NEIL3: variants seen among roughly 807,000 people sequenced by gnomAD.
NEIL3 encodes nei like DNA glycosylase 3.
Under a neutral mutation model 57.5 loss-of-function variants are expected in NEIL3, and 48 were observed. The ratio of observed to expected loss-of-function variants is 0.83; its 90% CI spans 0.66 to 1.06. NEIL3 has a LOEUF of 1.06. NEIL3 is among the 50% of genes least tolerant of loss of function. The pLI is 0.00. For missense variants in NEIL3, 717 were observed against 739.1 expected, an observed-to-expected ratio of 0.97 and a Z score of 0.35; for synonymous variants, 261 against 253.2, an observed-to-expected ratio of 1.03 and a Z score of -0.29.
chr4:177,320,990 T>C (rs1185131825), intron 1 of NEIL3, among the ~76,000 whole-genome samples: 1 of 151,808 alleles, frequency 6.6e-6, no homozygotes, highest in Non-Finnish European at 1.5e-5. Flanking sequence ...CTCCCTGTTA[T>C]CTCTCTTTGA....
rs112784324 is a variant in NEIL3, at chr4:177,328,463, A to G, written c.278+5883A>G. 8.8e-3 allele frequency among the ~76,000 whole-genome samples: 1,334 copies of G among 152,326 alleles called. 18 individuals carry two copies. The highest frequency in any genetic ancestry group is 0.03 in the African/African-American group (1,266 of 41,594). The stretch of plus-strand genomic sequence containing the variant: ...GGAAGCAGAGAAAAAGAAACATTGC[A>G]TATTAATACAAAGGAACAAAGCTAA... On this transcript the variant is annotated intron_variant, in intron 2 of 9. Coordinates refer to ENST00000264596, the MANE Select transcript of NEIL3 (RefSeq NM_018248.3).
chr4:177,358,736 A>G (rs917510866), intron 8 of NEIL3, among the ~76,000 whole-genome samples: 1 of 152,176 alleles, frequency 6.6e-6, no homozygotes, highest in African/African-American at 2.4e-5. Flanking sequence ...CCTTCTCCCC[A>G]GAAAAATTTT....
At chr4:177,330,892 TC>T (rs1734872232) in intron 2 of NEIL3, among the ~76,000 whole-genome samples, 1 of 152,216 alleles carries the variant, frequency 6.6e-6, no homozygotes, top group African/African-American at 2.4e-5. Context: ...TTTCCAGTGC[TC>T]ACTTGCCACA....
Position 177,322,570 on chromosome 4 carries a change from AAAGCTTTACGGT to A in NEIL3, c.272_278+5del. The A allele has an allele frequency of 6.2e-7, 1 of 1,613,894 alleles. No individual in the cohort carries two copies. Among genetic ancestry groups the A allele is most frequent in the Non-Finnish European group, 8.5e-7 (1 of 1,179,804 alleles). On this transcript the variant is annotated splice_donor_variant and coding_sequence_variant, in exon 2 of 10. Coordinates refer to ENST00000264596, the MANE Select transcript of NEIL3 (RefSeq NM_018248.3). LOFTEE classifies it high-confidence loss of function. The stretch of plus-strand genomic sequence containing the variant: ...GGAGCTCTTTATGTACTTTGGACCA[AAAGCTTTACGGT>A]AAGATAAGCCTGTACGATACATCTT...
At chr4:177,347,792 C>T (rs1374551967) in intron 6 of NEIL3, among the ~76,000 whole-genome samples, 13 of 152,046 alleles carry the variant, frequency 8.6e-5, no homozygotes, top group Non-Finnish European at 1.6e-4. Context: ...ATGACTACAA[C>T]GTTAGGTCCT....
At chr4:177,352,837 A>G (rs1733611238) in intron 7 of NEIL3, among the ~76,000 whole-genome samples, 2 of 136,538 alleles carry the variant, frequency 1.5e-5, no homozygotes, top group Non-Finnish European at 3.5e-5. Context: ...TTCAAAAAAA[A>G]AAAAAGAAGA....
intron 4 of NEIL3, 117 bp from the exon 5 acceptor site, chr4:177,339,666 G>A: frequency 1.4e-6 from 1 of 698,378 alleles, no homozygotes; most frequent in Non-Finnish European, 2.4e-6. Flanking sequence ...TTGTTCAAAG[G>A]TCAGCTGTAT....
At chr4:177,323,211 A>G (rs1424682252) in intron 2 of NEIL3, among the ~76,000 whole-genome samples, 5 of 152,184 alleles carry the variant, frequency 3.3e-5, no homozygotes, top group Admixed American at 1.3e-4. Flanking sequence ...TTGCAGGAAA[A>G]TGAAAGCGGC....
intron 1 of NEIL3, among the ~76,000 whole-genome samples, chr4:177,313,580 G>A (rs1028508224): frequency 6.6e-6 from 1 of 152,218 alleles, no homozygotes; most frequent in African/African-American, 2.4e-5. Flanking sequence ...GCTTTGAAGA[G>A]TCAATCCTTT....
intron 6 of NEIL3, among the ~76,000 whole-genome samples, chr4:177,348,941 C>G (rs1016013473): frequency 3.8e-5 from 5 of 131,862 alleles, no homozygotes; most frequent in African/African-American, 1.4e-4. Context: ...GATCTGGGCT[C>G]ACTTCAAGCT....
chr4:177,344,943 A>G (rs1040422685), intron 6 of NEIL3, among the ~76,000 whole-genome samples: 2 of 152,178 alleles, frequency 1.3e-5, no homozygotes, highest in Middle Eastern at 3.2e-3. Flanking sequence ...CAGAGGAGGT[A>G]GTCTTTACCT....
At chr4:177,351,306 A>T in intron 6 of NEIL3, 74 bp from the exon 7 acceptor site, 1 of 1,039,860 alleles carries the variant, frequency 9.6e-7, no homozygotes, top group Non-Finnish European at 1.4e-6. Flanking sequence ...TAATGGTTCT[A>T]TAATCATTTC....
At chr4:177,343,868 AT>A (rs1430699749) in intron 6 of NEIL3, 1 of 151,994 alleles carries the variant, frequency 6.6e-6, no homozygotes, top group Non-Finnish European at 1.5e-5. Flanking sequence ...ATAGGTATAC[AT>A]TTATTTGACC....
chr4:177,312,700 TAGAA>T (rs1331427346), intron 1 of NEIL3, among the ~76,000 whole-genome samples: 2 of 152,190 alleles, frequency 1.3e-5, no homozygotes, highest in Admixed American at 1.3e-4. Flanking sequence ...GATACCTTGA[TAGAA>T]AGAGGCATTA....
intron 4 of NEIL3, among the ~76,000 whole-genome samples, chr4:177,338,024 T>TCTCTCACACACA (rs71597499): frequency 3.3e-5 from 5 of 149,482 alleles, no homozygotes; most frequent in Middle Eastern, 3.5e-3. Context: ...TCTCTCTCTC[T>TCTCTCACACACA]CACACACACA....
chr4:177,333,545 T>C (rs745688454), intron 2 of NEIL3, among the ~76,000 whole-genome samples: 11 of 152,214 alleles, frequency 7.2e-5, no homozygotes, highest in Admixed American at 2.6e-4. Flanking sequence ...TTACAAAACC[T>C]GAAGAGAATA....
intron 1 of NEIL3, among the ~76,000 whole-genome samples, chr4:177,315,427 G>GA (rs1253542495): frequency 1.3e-5 from 2 of 152,038 alleles, no homozygotes; most frequent in African/African-American, 4.8e-5. Flanking sequence ...CTTTATTTCA[G>GA]AAAAAACTAA....
downstream of NEIL3, among the ~76,000 whole-genome samples, chr4:177,367,509 C>T (rs1429334733): frequency 2.0e-5 from 3 of 152,122 alleles, no homozygotes; most frequent in Non-Finnish European, 2.9e-5. Flanking sequence ...TGTCTCTGTG[C>T]CTGTGTTTCC....
Position 177,309,914 on chromosome 4 carries a change from C to G in NEIL3, c.-40C>G. Reference sequence around the variant, plus strand: ...TTGAGTTGCACAGCGGTATTCTCACCAGGCCCTGCAATCGGTGGGCCACAG... The same window carrying G: ...TTGAGTTGCACAGCGGTATTCTCACGAGGCCCTGCAATCGGTGGGCCACAG... On this transcript the variant is annotated 5_prime_UTR_variant, in exon 1 of 10. Coordinates refer to ENST00000264596, the MANE Select transcript of NEIL3 (RefSeq NM_018248.3). The G allele has an allele frequency of 6.3e-7, 1 of 1,595,850 alleles. No homozygotes were observed. The highest frequency in any genetic ancestry group is 8.5e-7 in the Non-Finnish European group (1 of 1,172,388).
Sources: allele counts gnomAD v4.1 joint callset (sites outside exome capture counted in the v4.1 genomes callset), GRCh38; gene constraint gnomAD v4.1.1; transcripts MANE v1.5; gene names NCBI Gene and HGNC (gene_info 2026-07-23, HGNC 2026-07-21).